Variants in TRHDE observed in about 807,000 individuals in gnomAD.
TRHDE encodes the protein thyrotropin releasing hormone degrading enzyme.
TRHDE carries 72 observed loss-of-function variants against 125.7 expected under a neutral mutation model. The ratio of observed to expected loss-of-function variants is 0.57; its 90% CI spans 0.47 to 0.70. The LOEUF is 0.70. Ranked by LOEUF, TRHDE falls within the 30% of genes least tolerant of loss-of-function variation. TRHDE has a pLI of 0.00. For synonymous variants in TRHDE, 509 were observed against 509.1 expected, an observed-to-expected ratio of 1.00 and a Z score of 0.00; for missense variants, 1,110 against 1,327.1, an observed-to-expected ratio of 0.84 and a Z score of 2.54.
intron 2 of TRHDE, among the ~76,000 whole-genome samples, chr12:72,352,261 A>G (rs545330999): frequency 1.3e-5 from 2 of 151,764 alleles, no homozygotes; most frequent in East Asian, 1.9e-4. Flanking sequence ...TTTGGCCAGC[A>G]TTTTCTTAAT....
chr12:72,227,750 C>A (rs1386259088), intron 2 of TRHDE, among the ~76,000 whole-genome samples: 3 of 152,212 alleles, frequency 2.0e-5, no homozygotes, highest in African/African-American at 7.2e-5. Flanking sequence ...TTCCTAGATA[C>A]AATGGGGGTA....
intron 2 of TRHDE, among the ~76,000 whole-genome samples, chr12:72,222,755 T>C (rs1185825697): frequency 2.6e-5 from 4 of 152,108 alleles, no homozygotes; most frequent in South Asian, 2.1e-4. Context: ...TCTGCATTCA[T>C]AGTGGTCCTA....
At chr12:72,183,859 A>G (rs1160413052) in intron 2 of TRHDE, among the ~76,000 whole-genome samples, 2 of 152,188 alleles carry the variant, frequency 1.3e-5, no homozygotes, top group African/African-American at 2.4e-5. Flanking sequence ...TAAAATCCTG[A>G]TATTATGGGA....
intron 2 of TRHDE, among the ~76,000 whole-genome samples, chr12:72,330,082 T>C (rs993061026): frequency 6.6e-6 from 1 of 152,196 alleles, no homozygotes; most frequent in Non-Finnish European, 1.5e-5. Context: ...AAAACGTATT[T>C]CTTTTATTTC....
chr12:72,599,510 A>C (rs67737221), intron 12 of TRHDE, among the ~76,000 whole-genome samples: 40,075 of 151,970 alleles, frequency 0.26, 7,983 homozygotes, highest in East Asian at 0.54. Context: ...GGCTACTTGT[A>C]TGCCTTCTTT....
chr12:72,314,460 A>G (rs541997420), intron 2 of TRHDE, among the ~76,000 whole-genome samples: 4 of 152,184 alleles, frequency 2.6e-5, no homozygotes, highest in African/African-American at 9.6e-5. Flanking sequence ...CCATTCATAT[A>G]TAATATTTTC....
chr12:72,634,984 C>A (rs1873670660), intron 15 of TRHDE, among the ~76,000 whole-genome samples: 1 of 151,968 alleles, frequency 6.6e-6, no homozygotes, highest in Admixed American at 6.6e-5. Context: ...GTCTTTATAG[C>A]AGCATGATTT....
At chr12:72,423,842 G>A (rs1266011988) in intron 3 of TRHDE, among the ~76,000 whole-genome samples, 2 of 152,030 alleles carry the variant, frequency 1.3e-5, no homozygotes, top group Non-Finnish European at 2.9e-5. Context: ...ATGTGATGAT[G>A]GAAGCAGAGT....
chr12:72,381,540 C>T (rs1245714972), intron 3 of TRHDE, among the ~76,000 whole-genome samples: 2 of 150,734 alleles, frequency 1.3e-5, no homozygotes, highest in Admixed American at 6.6e-5. Flanking sequence ...GGACTACAGG[C>T]GCCCGCCACT....
intron 2 of TRHDE, among the ~76,000 whole-genome samples, chr12:72,114,490 TA>T (rs1875395821): frequency 6.6e-6 from 1 of 152,114 alleles, no homozygotes; most frequent in South Asian, 2.1e-4. Flanking sequence ...ATAAGGAAAA[TA>T]AAATATATTT....
At chr12:72,417,154 T>C (rs987411228) in intron 3 of TRHDE, among the ~76,000 whole-genome samples, 1 of 152,100 alleles carries the variant, frequency 6.6e-6, no homozygotes, top group African/African-American at 2.4e-5. Flanking sequence ...TTTCTTGGTT[T>C]CTTTTTCAGA....
At chr12:72,185,453 G>A (rs1356932140) in intron 2 of TRHDE, among the ~76,000 whole-genome samples, 1 of 152,262 alleles carries the variant, frequency 6.6e-6, no homozygotes, top group Non-Finnish European at 1.5e-5. Context: ...GGACTGGCAG[G>A]CAGCTCCACC....
At chr12:72,512,677 T>G (rs1157461748) in intron 6 of TRHDE, among the ~76,000 whole-genome samples, 1 of 145,498 alleles carries the variant, frequency 6.9e-6, no homozygotes, top group African/African-American at 2.5e-5. Context: ...AATGGTAATA[T>G]AGATTTTTTA....
chr12:72,135,242 C>T (rs1300157344), intron 2 of TRHDE, among the ~76,000 whole-genome samples: 1 of 152,148 alleles, frequency 6.6e-6, no homozygotes. Flanking sequence ...TCAGCTTTGT[C>T]AATTCTCTTC....
chr12:72,663,342 T>C lies in TRHDE; in HGVS notation c.*147T>C. 1.7e-6 allele frequency: 1 copy of C among 602,878 alleles called. No individual in the cohort carries two copies. The highest frequency in any genetic ancestry group is 2.6e-6 in the Non-Finnish European group (1 of 379,716). The allele number at this position is 602,878 out of a possible 1,614,324, so 37.3% of individuals were successfully genotyped here. On this transcript the variant is annotated 3_prime_UTR_variant, in exon 19 of 19. Coordinates refer to ENST00000261180, the MANE Select transcript of TRHDE (RefSeq NM_013381.3). ...GAATTTTTTTTTTAGTTTTTATTTT[T>C]TGGTTTTGGGGGATATTTTTTATTT...
chr12:72,261,154 A>C (rs1029397569), intron 2 of TRHDE, among the ~76,000 whole-genome samples: 1 of 152,158 alleles, frequency 6.6e-6, no homozygotes, highest in Non-Finnish European at 1.5e-5. Context: ...GTAAGTATGA[A>C]GGAAGTAGAT....
chr12:72,519,982 G>A (rs1451031541), intron 6 of TRHDE, among the ~76,000 whole-genome samples: 1 of 152,190 alleles, frequency 6.6e-6, no homozygotes, highest in Non-Finnish European at 1.5e-5. Flanking sequence ...CCCACTTCAG[G>A]AGGCAGTCTG....
chr12:72,383,321 T>C (rs1377123541), intron 3 of TRHDE, among the ~76,000 whole-genome samples: 2 of 152,104 alleles, frequency 1.3e-5, no homozygotes, highest in Non-Finnish European at 2.9e-5. Flanking sequence ...TATTTGTGTT[T>C]ACTACATGTG....
intron 3 of TRHDE, among the ~76,000 whole-genome samples, chr12:72,401,740 A>G (rs11179189): frequency 0.064 from 9,700 of 152,244 alleles, 401 homozygotes; most frequent in Middle Eastern, 0.14. Flanking sequence ...ATAGAAATAG[A>G]TGAGCAAGGA....
Sources: gnomAD v4.1 joint callset for allele counts (sites outside exome capture counted in the v4.1 genomes callset) on GRCh38, gnomAD v4.1.1 for gene constraint, MANE v1.5 for transcripts, NCBI Gene and HGNC (gene_info 2026-07-23, HGNC 2026-07-21) for gene names.